Variants in SMOC2 observed in about 807,000 individuals in gnomAD.
SMOC2 encodes SPARC-related modular calcium-binding protein 2.
Under a neutral mutation model 61.4 loss-of-function variants are expected in SMOC2, and 39 were observed. The observed-to-expected ratio is 0.64, with a 90% CI of 0.49 to 0.83. The LOEUF is 0.83. Ranked by LOEUF, SMOC2 falls within the 40% of genes least tolerant of loss-of-function variation. The pLI is 0.00. For missense variants in SMOC2, 556 were observed against 592.9 expected, an observed-to-expected ratio of 0.94 and a Z score of 0.65; for synonymous variants, 247 against 239.9, an observed-to-expected ratio of 1.03 and a Z score of -0.27.
At chr6:168,441,731 C>T (rs1781214582) in intron 1 of SMOC2, among the ~76,000 whole-genome samples, 1 of 152,202 alleles carries the variant, frequency 6.6e-6, no homozygotes, top group African/African-American at 2.4e-5. Context: ...GCTGGGACCC[C>T]ACCTGCCTCG....
At chr6:168,628,277 C>A (rs1265185463) in intron 9 of SMOC2, among the ~76,000 whole-genome samples, 1 of 152,220 alleles carries the variant, frequency 6.6e-6, no homozygotes, top group African/African-American at 2.4e-5. Flanking sequence ...AAAACAGTAA[C>A]ATCCCGTTGT....
chr6:168,581,191 A>C (rs1784908711), intron 7 of SMOC2, among the ~76,000 whole-genome samples: 1 of 152,224 alleles, frequency 6.6e-6, no homozygotes, highest in African/African-American at 2.4e-5. Flanking sequence ...GGCACTTTTA[A>C]AATTTTATAT....
intron 1 of SMOC2, among the ~76,000 whole-genome samples, chr6:168,507,964 CA>C (rs1224240261): frequency 1.3e-5 from 2 of 152,202 alleles, no homozygotes; most frequent in Non-Finnish European, 2.9e-5. Flanking sequence ...AGGCCACTGC[CA>C]AGTAGCTTTG....
chr6:168,592,226 T>A (rs1462081786), intron 7 of SMOC2, among the ~76,000 whole-genome samples: 1 of 152,206 alleles, frequency 6.6e-6, no homozygotes, highest in Non-Finnish European at 1.5e-5. Context: ...TTTCACTCAG[T>A]TCTCTTTTTC....
At position 168,445,285 on chromosome 6, in the gene SMOC2, A is replaced by T. The variant is rs184383218; in HGVS notation, c.84+3831A>T. ...AGACTGTAGTTGACTTTCATCCTGA[A>T]TCCTCATCTTCTCACAGAGGGTCTG... On this transcript the variant is annotated intron_variant, in intron 1 of 12. Transcript: ENST00000356284. 1.6e-3 allele frequency among the ~76,000 whole-genome samples: 239 copies of T among 152,264 alleles called. 1 individual carries two copies. Among genetic ancestry groups the T allele is most frequent in the Non-Finnish European group, 2.2e-3 (152 of 68,020 alleles).
chr6:168,454,667 G>A (rs1781542021), intron 1 of SMOC2, among the ~76,000 whole-genome samples: 1 of 152,140 alleles, frequency 6.6e-6, no homozygotes, highest in South Asian at 2.1e-4. Flanking sequence ...GGGGAACAGA[G>A]GAGGCTTTGA....
chr6:168,541,791 G>T (rs1230190999), intron 4 of SMOC2, among the ~76,000 whole-genome samples: 1 of 152,202 alleles, frequency 6.6e-6, no homozygotes, highest in East Asian at 1.9e-4. Context: ...TTAACTTTGT[G>T]TGGACTTATT....
intron 1 of SMOC2, among the ~76,000 whole-genome samples, chr6:168,500,708 C>T (rs564486216): frequency 6.1e-4 from 93 of 152,238 alleles, no homozygotes; most frequent in Non-Finnish European, 1.1e-3. Context: ...CTCTACCCCC[C>T]GAGGAGGTAC....
chr6:168,590,516 C>T (rs992702661), intron 7 of SMOC2, among the ~76,000 whole-genome samples: 4 of 152,120 alleles, frequency 2.6e-5, no homozygotes, highest in South Asian at 4.1e-4. Context: ...TCAGGAGCTT[C>T]GCGGGACCAT....
chr6:168,655,478 CAG>C (rs1357457410), intron 11 of SMOC2: 3 of 453,918 alleles, frequency 6.6e-6, no homozygotes, highest in Non-Finnish European at 1.3e-5. Flanking sequence ...CTTTTCAGCT[CAG>C]AGACAGCACT....
chr6:168,613,149 C>T (rs185783079), intron 9 of SMOC2, among the ~76,000 whole-genome samples: 21 of 152,314 alleles, frequency 1.4e-4, no homozygotes, highest in Non-Finnish European at 2.4e-4. Context: ...TGACGATCTG[C>T]GCTGCGTGCA....
chr6:168,510,704 C>T (rs763911454), intron 2 of SMOC2, among the ~76,000 whole-genome samples: 8 of 152,196 alleles, frequency 5.3e-5, no homozygotes, highest in Non-Finnish European at 1.0e-4. Flanking sequence ...CAGTTAGCTT[C>T]AGCAATCCTC....
chr6:168,616,855 G>A (rs955922909), intron 9 of SMOC2, among the ~76,000 whole-genome samples: 3 of 152,170 alleles, frequency 2.0e-5, no homozygotes, highest in Non-Finnish European at 2.9e-5. Flanking sequence ...TTCAAGAACC[G>A]GTGTCTGTGG....
At chr6:168,589,083 A>C (rs996374839) in intron 7 of SMOC2, among the ~76,000 whole-genome samples, 4 of 151,858 alleles carry the variant, frequency 2.6e-5, no homozygotes, top group African/African-American at 9.7e-5. Flanking sequence ...TCTCAAAAAA[A>C]AAAAAAAAAA....
At chr6:168,585,184 C>T (rs1785021590) in intron 7 of SMOC2, among the ~76,000 whole-genome samples, 1 of 152,120 alleles carries the variant, frequency 6.6e-6, no homozygotes, top group Admixed American at 6.5e-5. Flanking sequence ...ACATCAAACC[C>T]CTGGGCTTAT....
chr6:168,455,979 G>A (rs556386865), intron 1 of SMOC2, among the ~76,000 whole-genome samples: 2 of 152,332 alleles, frequency 1.3e-5, no homozygotes, highest in Non-Finnish European at 2.9e-5. Flanking sequence ...CTGTGAAAGG[G>A]CGCGGCACTC....
At chr6:168,515,364 C>T (rs376492291) in intron 2 of SMOC2, among the ~76,000 whole-genome samples, 98 of 152,322 alleles carry the variant, frequency 6.4e-4, no homozygotes, top group Middle Eastern at 6.8e-3. Context: ...CTGTTCCCCG[C>T]GCATCACAGA....
At chr6:168,644,644 C>CTTTTTTTT in intron 9 of SMOC2, among the ~76,000 whole-genome samples, 1 of 99,490 alleles carries the variant, frequency 1.0e-5, no homozygotes, top group Non-Finnish European at 2.0e-5. Context: ...GAATGCCTTT[C>CTTTTTTTT]TTTTTTTTTT....
At chr6:168,532,971 C>T (rs1783647413) in intron 4 of SMOC2, among the ~76,000 whole-genome samples, 1 of 152,142 alleles carries the variant, frequency 6.6e-6, no homozygotes, top group Admixed American at 6.5e-5. Context: ...CTGTTTCTTC[C>T]CATTTATTTC....
Sources: gnomAD v4.1 joint callset for allele counts (sites outside exome capture counted in the v4.1 genomes callset) on GRCh38, gnomAD v4.1.1 for gene constraint, MANE v1.5 for transcripts, NCBI Gene and HGNC (gene_info 2026-07-23, HGNC 2026-07-21) for gene names.